Variants in FBXO32 observed in about 807,000 individuals in gnomAD.
FBXO32 encodes the protein F-box protein 32.
FBXO32 carries 15 observed loss-of-function variants against 48.3 expected under a neutral mutation model. That is an observed-to-expected ratio of 0.31 (90% CI 0.21 to 0.48). FBXO32 has a LOEUF of 0.48. FBXO32 is among the 20% of genes least tolerant of loss of function. The pLI, the probability that FBXO32 is intolerant of heterozygous loss-of-function variation, is 0.99. For missense variants in FBXO32, 309 were observed against 432.7 expected, an observed-to-expected ratio of 0.71 and a Z score of 2.54; for synonymous variants, 154 against 165.9, an observed-to-expected ratio of 0.93 and a Z score of 0.55.
chr8:123,507,096 C>G (rs1006064061), intron 6 of FBXO32, among the ~76,000 whole-genome samples: 1 of 152,198 alleles, frequency 6.6e-6, no homozygotes, highest in African/African-American at 2.4e-5. Context: ...TGCTCAGATC[C>G]AGTTCAAACC....
chr8:123,540,915 C>T lies in FBXO32; in HGVS notation c.100G>A (p.Val34Met). 1.2e-6 allele frequency: 2 copies of T among 1,613,492 alleles called. No individual in the cohort carries two copies. Among genetic ancestry groups the T allele is most frequent in the East Asian group, 2.2e-5 (1 of 44,784 alleles). The change falls in exon 1 of 9, where the codon GTG becomes ATG. Residue 34 changes from valine (V) to methionine (M), a missense_variant. Transcript: ENST00000517956. This position sits in a 1 kb window ranked among gnomAD's most constrained non-coding sequence, Gnocchi z 6.4. ...TCCCCTCACCTGCTGAGGTCGCTCACGAAACTGCCGCTCTTCTCATCCAGG... is the reference window on the plus strand; with the variant it reads ...TCCCCTCACCTGCTGAGGTCGCTCATGAAACTGCCGCTCTTCTCATCCAGG... ...RFLDEKSGSF[V>M]SDLSSYCNKE...
chr8:123,504,562 G>T (rs776108094), intron 8 of FBXO32, 42 bp downstream of exon 8: 16 of 1,583,298 alleles, frequency 1.0e-5, no homozygotes, highest in Middle Eastern at 3.4e-4. Context: ...GCTCTTAGGG[G>T]CTGGGCTGGG....
At chr8:123,530,972 A>ATTTTTTT (rs35151201) in intron 4 of FBXO32, among the ~76,000 whole-genome samples, 1 of 69,004 alleles carries the variant, frequency 1.4e-5, no homozygotes, top group Non-Finnish European at 2.4e-5. Flanking sequence ...ATCCAGTCAG[A>ATTTTTTT]TTTTTTTTTT....
In FBXO32 at chr8:123,501,935, C is replaced by G. The variant is rs960285812; in HGVS notation, c.*1438G>C. 6.6e-6 allele frequency: 1 copy of G among 152,020 alleles called. No individual in the cohort carries two copies. The highest frequency in any genetic ancestry group is 6.6e-5 in the Admixed American group (1 of 15,262). 9.4% of individuals were successfully genotyped at this position (152,020 alleles called of 1,614,324 possible). A position where few individuals can be genotyped will look rare whatever the true frequency, so the allele number is the denominator to read the frequency against. ...AAAGTAAAAAACTGGGAGTAGATCCCCCATCTATTCCCAGGAATATTTTAC... is the reference window on the plus strand; with the variant it reads ...AAAGTAAAAAACTGGGAGTAGATCCGCCATCTATTCCCAGGAATATTTTAC... On this transcript the variant is annotated 3_prime_UTR_variant, in exon 9 of 9. Coordinates refer to ENST00000517956, the MANE Select transcript of FBXO32 (RefSeq NM_058229.4).
intron 4 of FBXO32, among the ~76,000 whole-genome samples, chr8:123,524,395 C>T (rs890535631): frequency 5.3e-5 from 8 of 152,340 alleles, no homozygotes; most frequent in African/African-American, 1.9e-4. Context: ...AAATCACTAA[C>T]AGTTTAACCA....
chr8:123,506,808 AT>A lies in FBXO32; in HGVS notation c.652-235del, dbSNP rs1816634584. On this transcript the variant is annotated intron_variant, in intron 6 of 8. Transcript: ENST00000517956. This position sits in a 1 kb window ranked among gnomAD's most constrained non-coding sequence, Gnocchi z 4.0. The stretch of plus-strand genomic sequence containing the variant: ...AGTGGTGCCAGAGGGATCGCCCTAC[AT>A]TTCCAAAGCTTGAAACTTTCACTCT... Among the ~76,000 whole-genome samples the A allele has an allele frequency of 6.6e-6, 1 of 152,158 alleles. No homozygotes were observed. The highest frequency in any genetic ancestry group is 1.5e-5 in the Non-Finnish European group (1 of 68,034).
At chr8:123,537,051 A>G (rs1189062503) in intron 1 of FBXO32, among the ~76,000 whole-genome samples, 1 of 152,238 alleles carries the variant, frequency 6.6e-6, no homozygotes, top group Non-Finnish European at 1.5e-5. Context: ...GGGCCTGGAA[A>G]GAAGGGCTAT....
In FBXO32 at chr8:123,540,568, G is replaced by A. The variant is rs1371753760; in HGVS notation, c.116+331C>T. The stretch of plus-strand genomic sequence containing the variant: ...CGCGACTCCGGTGTCCTTAAAGCAG[G>A]GACCACTAAAGCTGTGTGATTAAGT... On this transcript the variant is annotated intron_variant, in intron 1 of 8. Coordinates refer to ENST00000517956, the MANE Select transcript of FBXO32 (RefSeq NM_058229.4). This position sits in a 1 kb window ranked among gnomAD's most constrained non-coding sequence, Gnocchi z 6.4. Among the ~76,000 whole-genome samples, 1 of 152,246 alleles carries A rather than the reference G, an allele frequency of 6.6e-6. No homozygotes were observed. Among genetic ancestry groups the A allele is most frequent in the East Asian group, 1.9e-4 (1 of 5,188 alleles).
rs748572900 is a variant in FBXO32 at position 123,504,701 on chromosome 8, T to C, written c.881A>G (p.Lys294Arg). The change falls in exon 8 of 9, where the codon AAG (lysine) becomes AGG (arginine). Residue 294 changes from lysine (K) to arginine (R), a missense_variant. Physicochemically the swap from Lys to Arg is conservative, Grantham distance 26. Coordinates refer to ENST00000517956, the MANE Select transcript of FBXO32 (RefSeq NM_058229.4). ...ILSDKGQLDW[K>R]KMYFKLVRCY... ...TCGGACAAGTTTGAAATACATCTTC[T>C]TCCAATCCAGCTGCCCTTTGTCTGA... 7.4e-6 allele frequency: 12 copies of C among 1,614,110 alleles called. No homozygotes were observed. Among genetic ancestry groups the C allele is most frequent in the Admixed American group, 5.0e-5 (3 of 60,012 alleles).
intron 6 of FBXO32, among the ~76,000 whole-genome samples, chr8:123,508,790 T>C (rs1401551033): frequency 6.6e-6 from 1 of 152,184 alleles, no homozygotes; most frequent in African/African-American, 2.4e-5. Context: ...CCAGGCCAAT[T>C]ATTACATTAA....
In FBXO32 at chr8:123,541,175, G is replaced by A. The variant is rs890240119; in HGVS notation, c.-161C>T. 2.6e-6 allele frequency: 1 copy of A among 391,934 alleles called. No homozygotes were observed. Among genetic ancestry groups the A allele is most frequent in the Non-Finnish European group, 4.5e-6 (1 of 224,074 alleles). The allele number at this position is 391,934 out of a possible 1,614,324, so 24.3% of individuals were successfully genotyped here. On this transcript the variant is annotated 5_prime_UTR_variant, in exon 1 of 9. Transcript: ENST00000517956. ...CCCTGCGGGGTGGCGGGCGCGGAGA[G>A]GATCTCAAGCGTTGCAGGCTCCGGG...
At chr8:123,526,490 G>GCC (rs1482555545) in intron 4 of FBXO32, among the ~76,000 whole-genome samples, 2 of 152,088 alleles carry the variant, frequency 1.3e-5, no homozygotes, top group Non-Finnish European at 1.5e-5. Context: ...GCCTCCCAAA[G>GCC]TGCTGGGATT....
chr8:123,516,951 C>T (rs536053564), intron 4 of FBXO32, among the ~76,000 whole-genome samples: 2 of 152,188 alleles, frequency 1.3e-5, no homozygotes, highest in Non-Finnish European at 2.9e-5. Flanking sequence ...CCAACCAGCA[C>T]GTGACAGTCA....
In FBXO32 at chr8:123,541,169, C is replaced by G. The variant is rs1393447358; in HGVS notation, c.-155G>C. ...GGGGCACCCTGCGGGGTGGCGGGCG[C>G]GGAGAGGATCTCAAGCGTTGCAGGC... On this transcript the variant is annotated 5_prime_UTR_variant, in exon 1 of 9. Transcript: ENST00000517956. The G allele has an allele frequency of 1.5e-5, 6 of 392,626 alleles. No homozygotes were observed. The East Asian group carries it at 2.4e-4, about 16-fold the overall frequency. 24.3% of individuals were successfully genotyped at this position (392,626 alleles called of 1,614,324 possible). A position where few individuals can be genotyped will look rare whatever the true frequency, so the allele number is the denominator to read the frequency against.
rs892119100 is a variant in FBXO32 at position 123,525,999 on chromosome 8, T to C, written c.372+5899A>G. On this transcript the variant is annotated intron_variant, in intron 4 of 8. Coordinates refer to ENST00000517956, the MANE Select transcript of FBXO32 (RefSeq NM_058229.4). This position sits in a 1 kb window ranked among gnomAD's most constrained non-coding sequence, Gnocchi z 4.3. The stretch of plus-strand genomic sequence containing the variant: ...CACACTCAAAGCCTCTTCTCAAGTC[T>C]GTCCAATGTCCTTTTCTAGCCATAT... Among the ~76,000 whole-genome samples, 2 of 152,048 alleles carry C rather than the reference T, an allele frequency of 1.3e-5. No individual in the cohort carries two copies. The highest frequency in any genetic ancestry group is 4.8e-5 in the African/African-American group (2 of 41,386).
At position 123,504,762 on chromosome 8, in the gene FBXO32, GAA is replaced by G. The variant is rs1244193832; in HGVS notation, c.835-17_835-16del. ...CGTTTGCGGATCTAAAAAATCAAAT[GAA>G]TAAAGGAAATGACAGGAGAGTTTGT... On this transcript the variant is annotated splice_polypyrimidine_tract_variant and intron_variant, in intron 7 of 8. Coordinates refer to ENST00000517956, the MANE Select transcript of FBXO32 (RefSeq NM_058229.4). The G allele has an allele frequency of 2.5e-6, 4 of 1,610,800 alleles. No homozygotes were observed. The highest frequency in any genetic ancestry group is 3.4e-6 in the Non-Finnish European group (4 of 1,178,372).
intron 6 of FBXO32, among the ~76,000 whole-genome samples, chr8:123,508,856 T>A (rs1816681650): frequency 6.6e-6 from 1 of 152,236 alleles, no homozygotes; most frequent in African/African-American, 2.4e-5. Flanking sequence ...TTTTCAAACC[T>A]GAACTTTTCC....
At chr8:123,518,519 C>G (rs1816884193) in intron 4 of FBXO32, among the ~76,000 whole-genome samples, 1 of 152,208 alleles carries the variant, frequency 6.6e-6, no homozygotes, top group Non-Finnish European at 1.5e-5. Flanking sequence ...CATTTAATAG[C>G]ACCCTATCTG....
At position 123,538,107 on chromosome 8, in the gene FBXO32, G is replaced by T. The variant is rs562247139; in HGVS notation, c.116+2792C>A. Among the ~76,000 whole-genome samples, 171 of 151,976 alleles carry T rather than the reference G, an allele frequency of 1.1e-3. 1 individual carries two copies. Among genetic ancestry groups the T allele is most frequent in the African/African-American group, 4.0e-3 (166 of 41,448 alleles). The stretch of plus-strand genomic sequence containing the variant: ...TATAATTTCAACATTTTTGAGAAGG[G>T]GTCCTGCTTTAAGCTTATCTTAAAT... On this transcript the variant is annotated intron_variant, in intron 1 of 8. Coordinates refer to ENST00000517956, the MANE Select transcript of FBXO32 (RefSeq NM_058229.4).
Sources: gnomAD v4.1 joint callset for allele counts (sites outside exome capture counted in the v4.1 genomes callset) on GRCh38, gnomAD v4.1.1 for gene constraint, Gnocchi (gnomAD v3.1) non-coding constraint, MANE v1.5 for transcripts, NCBI Gene and HGNC (gene_info 2026-07-23, HGNC 2026-07-21) for gene names.